Variants in TRIP12 observed in about 807,000 individuals in gnomAD.
TRIP12 encodes thyroid hormone receptor interactor 12, also known as E3 ubiquitin-protein ligase TRIP12.
TRIP12 carries 25 observed loss-of-function variants against 244.2 expected under a neutral mutation model. The observed-to-expected ratio is 0.10, with a 90% CI of 0.07 to 0.14. TRIP12 has a LOEUF of 0.14. Among genes scored for constraint, TRIP12 ranks in the 10% least tolerant of loss-of-function variants. The pLI, the probability that TRIP12 is intolerant of heterozygous loss-of-function variation, is 1.00. For missense variants in TRIP12, 1,677 were observed against 2,486.4 expected, an observed-to-expected ratio of 0.67 and a Z score of 6.92; for synonymous variants, 905 against 873.1, an observed-to-expected ratio of 1.04 and a Z score of -0.64.
intron 41 of TRIP12, 118 bp downstream of exon 41, chr2:229,768,498 G>A: frequency 1.2e-6 from 1 of 845,996 alleles, no homozygotes; most frequent in East Asian, 2.6e-5. Context: ...AATGATACTG[G>A]AATAACTAAG....
chr2:229,829,530 C>T (rs1025966443), intron 7 of TRIP12, among the ~76,000 whole-genome samples: 3 of 152,162 alleles, frequency 2.0e-5, no homozygotes, highest in Non-Finnish European at 4.4e-5. Context: ...TTTTGAAGAG[C>T]TAATATGTTA....
chr2:229,796,944 A>T (rs1559468848), intron 24 of TRIP12, among the ~76,000 whole-genome samples, 162 bp from the exon 25 acceptor site: 1 of 109,770 alleles, frequency 9.1e-6, no homozygotes, highest in Non-Finnish European at 1.9e-5. Context: ...TTATGATTTT[A>T]AACACACACA....
At position 229,813,969 on chromosome 2, in the gene TRIP12, T is replaced by C; in HGVS notation, c.1887A>G (p.Ala629=). 6.3e-7 allele frequency: 1 copy of C among 1,599,166 alleles called. No individual in the cohort carries two copies. The highest frequency in any genetic ancestry group is 2.2e-5 in the East Asian group (1 of 44,466). ...GGCAGCAATTAGCTGCAATTGCTAA[T>C]GCATTTCTTTGGGCATTTATGCTGA... ...EFFSINAQRN[A]LAIAANCCQS... Residue 629 remains alanine (A), a synonymous_variant, in exon 13 of 42, where the codon GCA becomes GCG. Coordinates refer to ENST00000675903, the MANE Select transcript of TRIP12 (RefSeq NM_001348323.3).
At chr2:229,834,516 T>C (rs2054261077) in intron 6 of TRIP12, among the ~76,000 whole-genome samples, 1 of 152,162 alleles carries the variant, frequency 6.6e-6, no homozygotes, top group African/African-American at 2.4e-5. Context: ...TCCCAGCACT[T>C]TGGGAGGCCA....
At chr2:229,788,740 C>T (rs1368136669) in intron 32 of TRIP12, 58 bp downstream of exon 32, 3 of 1,579,368 alleles carry the variant, frequency 1.9e-6, no homozygotes, top group Non-Finnish European at 2.6e-6. Flanking sequence ...TAACAAAATA[C>T]ATCAAGACCA....
At chr2:229,889,000 T>A (rs575236248) in intron 1 of TRIP12, among the ~76,000 whole-genome samples, 164 of 152,322 alleles carry the variant, frequency 1.1e-3, no homozygotes, top group Admixed American at 3.1e-3. Context: ...TTTCCCTGTT[T>A]GTCGTTTTTA....
intron 1 of TRIP12, among the ~76,000 whole-genome samples, chr2:229,886,496 T>G (rs886904041): frequency 3.3e-4 from 50 of 151,750 alleles, no homozygotes; most frequent in African/African-American, 1.1e-3. Flanking sequence ...GGGATCTCAC[T>G]GGACACCCAG....
chr2:229,883,844 C>T (rs776939801), intron 1 of TRIP12, among the ~76,000 whole-genome samples: 2 of 152,176 alleles, frequency 1.3e-5, no homozygotes, highest in Non-Finnish European at 2.9e-5. Context: ...GCAAATACCA[C>T]ATAGAGAAAC....
At chr2:229,867,500 G>A (rs1175021599) in intron 2 of TRIP12, among the ~76,000 whole-genome samples, 1 of 151,940 alleles carries the variant, frequency 6.6e-6, no homozygotes, top group Non-Finnish European at 1.5e-5. Context: ...GATAGTATAT[G>A]AGAAAAAGGG....
chr2:229,882,850 T>C (rs2065161419), intron 1 of TRIP12, among the ~76,000 whole-genome samples: 1 of 152,224 alleles, frequency 6.6e-6, no homozygotes, highest in Non-Finnish European at 1.5e-5. Flanking sequence ...TCTTCAGTGC[T>C]GGTCAACCAG....
intron 4 of TRIP12, among the ~76,000 whole-genome samples, chr2:229,853,439 C>T (rs941460491): frequency 6.6e-6 from 1 of 152,106 alleles, no homozygotes; most frequent in Non-Finnish European, 1.5e-5. Context: ...GCGGGCAGAT[C>T]ACCTGAGGTC....
chr2:229,821,684 G>A (rs2050090416), intron 8 of TRIP12, among the ~76,000 whole-genome samples: 1 of 152,130 alleles, frequency 6.6e-6, no homozygotes, highest in South Asian at 2.1e-4. Context: ...TACACAGGTA[G>A]TATAAAAACA....
chr2:229,870,824 C>T (rs926075661), intron 2 of TRIP12, among the ~76,000 whole-genome samples: 5 of 152,144 alleles, frequency 3.3e-5, no homozygotes, highest in African/African-American at 1.2e-4. Flanking sequence ...TTGATTGGTA[C>T]ACTGACAGCT....
At chr2:229,890,438 G>A (rs574689732) in intron 1 of TRIP12, among the ~76,000 whole-genome samples, 12 of 152,228 alleles carry the variant, frequency 7.9e-5, no homozygotes, top group Admixed American at 3.3e-4. Context: ...AGATTAGGAC[G>A]TCTATTCCTG....
intron 3 of TRIP12, 148 bp from the exon 4 acceptor site, chr2:229,859,722 G>T: frequency 1.2e-6 from 1 of 852,160 alleles, no homozygotes; most frequent in Non-Finnish European, 1.7e-6. Context: ...TCTGTAAAAC[G>T]AAATAAAAGA....
chr2:229,775,581 A>C (rs1192745265), intron 37 of TRIP12, among the ~76,000 whole-genome samples: 2 of 151,370 alleles, frequency 1.3e-5, no homozygotes, highest in Non-Finnish European at 3.0e-5. Context: ...ATTAGATAGG[A>C]ATCTAGAATT....
At chr2:229,917,751 T>C (rs926732775) in intron 1 of TRIP12, among the ~76,000 whole-genome samples, 1 of 152,162 alleles carries the variant, frequency 6.6e-6, no homozygotes, top group African/African-American at 2.4e-5. Context: ...TGGAGTCCAG[T>C]GGCATGATCA....
Position 229,786,561 on chromosome 2 carries a change from A to C in TRIP12, c.4996-706T>G, listed in dbSNP as rs1253926605. Among the ~76,000 whole-genome samples, 15 of 123,208 alleles carry C rather than the reference A, an allele frequency of 1.2e-4. No homozygotes were observed. In the South Asian group the frequency reaches 3.6e-3, roughly 29 times the overall value. The allele number at this position is 123,208 out of a possible 152,430, so 80.8% of individuals were successfully genotyped here. ...TACAGGCATGCGCCACCACGCCCAG[A>C]TAATTTTTTTTTTTTTTTTTTTTTT... On this transcript the variant is annotated intron_variant, in intron 33 of 41. Transcript: ENST00000675903.
chr2:229,814,994 G>A, intron 11 of TRIP12, 105 bp downstream of exon 11: 1 of 840,716 alleles, frequency 1.2e-6, no homozygotes, highest in Non-Finnish European at 1.9e-6. Flanking sequence ...ACATTTCTCG[G>A]GCTAAAAAAT....
Sources: gnomAD v4.1 joint callset for allele counts (sites outside exome capture counted in the v4.1 genomes callset) on GRCh38, gnomAD v4.1.1 for gene constraint, MANE v1.5 for transcripts, NCBI Gene and HGNC (gene_info 2026-07-23, HGNC 2026-07-21) for gene names.